The following CDYL2 variants were observed in gnomAD, a reference collection of about 807,000 sequenced individuals.
CDYL2 encodes the protein chromodomain Y-like protein 2.
Under a neutral mutation model 49.4 loss-of-function variants are expected in CDYL2, and 23 were observed. That is an observed-to-expected ratio of 0.47 (90% CI 0.34 to 0.66). The LOEUF is 0.66. Among genes scored for constraint, CDYL2 ranks in the 30% least tolerant of loss-of-function variants. CDYL2 has a pLI of 0.01. For synonymous variants in CDYL2, 360 were observed against 268.8 expected, an observed-to-expected ratio of 1.34 and a Z score of -3.32; for missense variants, 678 against 656.4, an observed-to-expected ratio of 1.03 and a Z score of -0.36.
At chr16:80,774,172 A>G (rs898845121) in intron 1 of CDYL2, among the ~76,000 whole-genome samples, 1 of 152,206 alleles carries the variant, frequency 6.6e-6, no homozygotes, top group Non-Finnish European at 1.5e-5. Flanking sequence ...GACAAAAACA[A>G]AGAAAATTTA....
chr16:80,679,428 T>C (rs1909887123), intron 2 of CDYL2, among the ~76,000 whole-genome samples: 1 of 152,140 alleles, frequency 6.6e-6, no homozygotes, highest in Admixed American at 6.5e-5. Context: ...TGGGCCGTGG[T>C]ATAGAGGCCA....
chr16:80,659,074 TG>T (rs1567559293), intron 2 of CDYL2, among the ~76,000 whole-genome samples: 2 of 148,952 alleles, frequency 1.3e-5, no homozygotes, highest in Non-Finnish European at 3.0e-5. Context: ...GATGGATGGA[TG>T]GATGGATGGA....
At chr16:80,622,189 A>C (rs1907112518) in intron 3 of CDYL2, among the ~76,000 whole-genome samples, 1 of 152,216 alleles carries the variant, frequency 6.6e-6, no homozygotes, top group African/African-American at 2.4e-5. Context: ...ACTCAGCCCC[A>C]GAGCACGCAG....
intron 1 of CDYL2, among the ~76,000 whole-genome samples, chr16:80,715,833 C>T (rs1904780151): frequency 6.6e-6 from 1 of 152,216 alleles, no homozygotes; most frequent in Non-Finnish European, 1.5e-5. Context: ...CCCCAAACCT[C>T]ACCTCAGTGC....
At chr16:80,662,627 C>A in intron 2 of CDYL2, 2 of 419,920 alleles carry the variant, frequency 4.8e-6, no homozygotes, top group South Asian at 3.6e-5. Flanking sequence ...TGATTCAGAA[C>A]TTCCTGCAAT....
intron 4 of CDYL2, among the ~76,000 whole-genome samples, chr16:80,617,061 A>G (rs1401459273): frequency 1.3e-5 from 2 of 152,212 alleles, no homozygotes; most frequent in Non-Finnish European, 2.9e-5. Context: ...CTTGTCACCT[A>G]TGACAAGTTC....
In CDYL2 at chr16:80,692,207, T is replaced by A. The variant is rs185831859; in HGVS notation, c.25-7078A>T. On this transcript the variant is annotated intron_variant, in intron 1 of 6. Coordinates refer to ENST00000570137, the MANE Select transcript of CDYL2 (RefSeq NM_152342.4). ...GACTTCACTGACGGGGGAAGGAGAG[T>A]TTGAGAATAGATCAACTTTATTTCT... Among the ~76,000 whole-genome samples, 25 of 151,678 alleles carry A rather than the reference T, an allele frequency of 1.6e-4. No individual in the cohort carries two copies. In the East Asian group the frequency reaches 3.5e-3, roughly 21 times the overall value.
intron 1 of CDYL2, among the ~76,000 whole-genome samples, chr16:80,725,316 T>C (rs368734080): frequency 2.0e-5 from 3 of 152,186 alleles, no homozygotes; most frequent in East Asian, 1.9e-4. Flanking sequence ...TTAGATAAAA[T>C]TGGAGACCCG....
In CDYL2 at chr16:80,765,046, A is replaced by G. The variant is rs1906669254; in HGVS notation, c.24+39104T>C. 2.1e-5 allele frequency among the ~76,000 whole-genome samples: 3 copies of G among 142,378 alleles called. No individual in the cohort carries two copies. In the South Asian group the frequency reaches 6.9e-4, roughly 33 times the overall value. 93.4% of individuals were successfully genotyped at this position (142,378 alleles called of 152,430 possible). On this transcript the variant is annotated intron_variant, in intron 1 of 6. Transcript: ENST00000570137. The stretch of plus-strand genomic sequence containing the variant: ...CTGCACTCCAGCCTGGGTGACAGTG[A>G]GATTCCGTCTCAAAAAAAAAAAAAA...
Position 80,604,365 on chromosome 16 carries a change from GGGGGCCCGTGAGCT to G in CDYL2, c.*9_*22del, listed in dbSNP as rs755294839. 25 of 1,613,116 alleles carry G rather than the reference GGGGGCCCGTGAGCT, an allele frequency of 1.5e-5. No homozygotes were observed. The South Asian group carries it at 2.7e-4, about 18-fold the overall frequency. Reference sequence around the variant, plus strand: ...GAAACACAGGGCAGAGCTGGAAGTTGGGGGCCCGTGAGCTGGGGCCCCTCAGACTTCATAAATTT... The same window carrying G: ...GAAACACAGGGCAGAGCTGGAAGTTGGGGGCCCCTCAGACTTCATAAATTT... On this transcript the variant is annotated 3_prime_UTR_variant, in exon 7 of 7. Coordinates refer to ENST00000570137, the MANE Select transcript of CDYL2 (RefSeq NM_152342.4).
chr16:80,794,916 G>GTGAT (rs1473011201), intron 1 of CDYL2, among the ~76,000 whole-genome samples: 3 of 152,106 alleles, frequency 2.0e-5, no homozygotes, highest in Non-Finnish European at 4.4e-5. Flanking sequence ...TCCAGCCTCA[G>GTGAT]TGATAGTTTT....
chr16:80,603,917 TCATTTTG>T lies in CDYL2; in HGVS notation c.*464_*470del. On this transcript the variant is annotated 3_prime_UTR_variant, in exon 7 of 7. Coordinates refer to ENST00000570137, the MANE Select transcript of CDYL2 (RefSeq NM_152342.4). ...GGAGACTGAGGCCAGGTGTGCACAA[TCATTTTG>T]CTCATTGGTCTGGAAATTCCCTAAG... 6.2e-6 allele frequency: 1 copy of T among 161,330 alleles called. No homozygotes were observed. Among genetic ancestry groups the T allele is most frequent in the Admixed American group, 5.9e-5 (1 of 16,860 alleles). 10.0% of individuals were successfully genotyped at this position (161,330 alleles called of 1,614,324 possible). A position where few individuals can be genotyped will look rare whatever the true frequency, so the allele number is the denominator to read the frequency against.
intron 1 of CDYL2, among the ~76,000 whole-genome samples, chr16:80,796,055 A>G (rs1174865974): frequency 6.6e-6 from 1 of 152,240 alleles, no homozygotes; most frequent in East Asian, 1.9e-4. Context: ...TCACTAGAAT[A>G]TATACATTAA....
chr16:80,629,185 G>A (rs772326866), intron 3 of CDYL2, among the ~76,000 whole-genome samples: 1 of 152,094 alleles, frequency 6.6e-6, no homozygotes, highest in Non-Finnish European at 1.5e-5. Context: ...GTGTATAAAG[G>A]GTTGACTTGG....
intron 1 of CDYL2, among the ~76,000 whole-genome samples, chr16:80,761,708 T>C (rs1906536947): frequency 6.7e-6 from 1 of 150,144 alleles, no homozygotes; most frequent in Non-Finnish European, 1.5e-5. Flanking sequence ...CTAAAACATA[T>C]TTTGAGATTC....
rs74028351 is a variant in CDYL2 at position 80,632,925 on chromosome 16, T to A, written c.834+94A>T. On this transcript the variant is annotated intron_variant, in intron 3 of 6. Coordinates refer to ENST00000570137, the MANE Select transcript of CDYL2 (RefSeq NM_152342.4). ...ATGCACGCTAGTTACCATCCTCAGC[T>A]CCCTGATGGAAGGAAGGAGAAAGCC... The A allele has an allele frequency of 0.014, 18,112 of 1,260,680 alleles. 1,413 individuals carry two copies. The African/African-American group carries it at 0.2, about 14-fold the overall frequency. The allele number at this position is 1,260,680 out of a possible 1,614,324, so 78.1% of individuals were successfully genotyped here. A position where few individuals can be genotyped will look rare whatever the true frequency, so the allele number is the denominator to read the frequency against.
chr16:80,704,218 C>A (rs945755176), intron 1 of CDYL2, among the ~76,000 whole-genome samples: 2 of 152,192 alleles, frequency 1.3e-5, no homozygotes, highest in Non-Finnish European at 2.9e-5. Flanking sequence ...CCTAATCAGC[C>A]CAGATCAACT....
At chr16:80,739,311 G>C (rs1319779559) in intron 1 of CDYL2, among the ~76,000 whole-genome samples, 2 of 152,154 alleles carry the variant, frequency 1.3e-5, no homozygotes, top group African/African-American at 4.8e-5. Context: ...AAGATGAAAA[G>C]AGTTCTGTGG....
At chr16:80,791,672 A>T (rs1409439828) in intron 1 of CDYL2, among the ~76,000 whole-genome samples, 1 of 152,180 alleles carries the variant, frequency 6.6e-6, no homozygotes, top group South Asian at 2.1e-4. Flanking sequence ...ATTTGGAAGG[A>T]TATGATTAAA....
Sources: allele counts gnomAD v4.1 joint callset (sites outside exome capture counted in the v4.1 genomes callset), GRCh38; gene constraint gnomAD v4.1.1; transcripts MANE v1.5; gene names NCBI Gene and HGNC (gene_info 2026-07-23, HGNC 2026-07-21).